POU6F2: variants seen among roughly 807,000 people sequenced by gnomAD.
The protein encoded by POU6F2 is POU class 6 homeobox 2, also known as POU domain, class 6, transcription factor 2.
POU6F2 carries 31 observed loss-of-function variants against 71.3 expected under a neutral mutation model. The ratio of observed to expected loss-of-function variants is 0.43; its 90% CI spans 0.33 to 0.59. POU6F2 has a LOEUF of 0.59. POU6F2 is among the 20% of genes least tolerant of loss of function. The probability of loss-of-function intolerance (pLI) is 0.04; values close to 1 mark genes in which losing one functional copy is unlikely to be tolerated. For synonymous variants in POU6F2, 347 were observed against 355.7 expected, an observed-to-expected ratio of 0.98 and a Z score of 0.27; for missense variants, 783 against 856.8, an observed-to-expected ratio of 0.91 and a Z score of 1.07.
chr7:39,184,424 C>T (rs979219310), intron 2 of POU6F2, among the ~76,000 whole-genome samples: 1 of 152,218 alleles, frequency 6.6e-6, no homozygotes, highest in Non-Finnish European at 1.5e-5. Context: ...AAACAAACCT[C>T]TTCCCTATTT....
At chr7:39,086,090 AC>A (rs548745632) in intron 2 of POU6F2, 59 bp downstream of exon 2, 41 of 1,417,188 alleles carry the variant, frequency 2.9e-5, no homozygotes, top group East Asian at 5.0e-5. Context: ...GAGCAATCCA[AC>A]CCCCCCAACC....
chr7:39,158,061 A>G (rs774071890), intron 2 of POU6F2, among the ~76,000 whole-genome samples: 3 of 152,202 alleles, frequency 2.0e-5, no homozygotes, highest in Middle Eastern at 3.2e-3. Flanking sequence ...CAACTTCAGC[A>G]ATTCATGTAA....
chr7:39,255,058 A>G (rs1424791457), intron 4 of POU6F2, among the ~76,000 whole-genome samples: 3 of 152,242 alleles, frequency 2.0e-5, no homozygotes, highest in Admixed American at 1.3e-4. Context: ...TATCCTTTAT[A>G]TATATCCTAG....
intron 6 of POU6F2, among the ~76,000 whole-genome samples, chr7:39,408,783 T>C (rs1787489563): frequency 6.6e-6 from 1 of 152,142 alleles, no homozygotes; most frequent in Admixed American, 6.5e-5. Context: ...AAACTTCCAG[T>C]GGATAATTGG....
chr7:39,463,697 T>A lies in POU6F2; in HGVS notation c.1659-485T>A, dbSNP rs17713107. ...AGTGACTATGATAATAGCAATAACATTTTTATAACCAAGTCAATGGGGGTA... is the reference window on the plus strand; with the variant it reads ...AGTGACTATGATAATAGCAATAACAATTTTATAACCAAGTCAATGGGGGTA... On this transcript the variant is annotated intron_variant, in intron 9 of 9. Transcript: ENST00000518318. 7.1e-3 allele frequency among the ~76,000 whole-genome samples: 1,086 copies of A among 152,234 alleles called. 21 individuals carry two copies. Among genetic ancestry groups the A allele is most frequent in the East Asian group, 0.062 (322 of 5,176 alleles).
intron 4 of POU6F2, among the ~76,000 whole-genome samples, chr7:39,314,298 G>T (rs1033052809): frequency 2.6e-5 from 4 of 151,920 alleles, no homozygotes; most frequent in Non-Finnish European, 5.9e-5. Context: ...CTGTAATTGA[G>T]CAAGCAGATC....
chr7:39,204,422 C>T (rs1010343311), intron 3 of POU6F2, 96 bp downstream of exon 3: 19 of 996,662 alleles, frequency 1.9e-5, no homozygotes, highest in Non-Finnish European at 2.6e-5. Flanking sequence ...ATCCAATTGA[C>T]TCCAACAGAG....
At chr7:39,205,642 G>A (rs1351647216) in intron 3 of POU6F2, among the ~76,000 whole-genome samples, 1 of 152,168 alleles carries the variant, frequency 6.6e-6, no homozygotes, top group African/African-American at 2.4e-5. Flanking sequence ...CATTCCCGAA[G>A]TATATTTATT....
At chr7:39,015,600 C>G (rs1488061956) in intron 1 of POU6F2, among the ~76,000 whole-genome samples, 1 of 46,268 alleles carries the variant, frequency 2.2e-5, no homozygotes, top group African/African-American at 7.0e-5. Context: ...ATAGATATAT[C>G]TATGTTTTAT....
At chr7:39,233,302 CA>C (rs59496470) in intron 4 of POU6F2, among the ~76,000 whole-genome samples, 42,051 of 135,818 alleles carry the variant, frequency 0.31, 6,110 homozygotes, top group East Asian at 0.69. Flanking sequence ...TCTGTTTTAC[CA>C]AAAAAAAAAA....
At chr7:39,321,881 TTA>T (rs983834469) in intron 4 of POU6F2, among the ~76,000 whole-genome samples, 8 of 146,350 alleles carry the variant, frequency 5.5e-5, no homozygotes, top group East Asian at 4.0e-4. Flanking sequence ...TTGTATATAT[TTA>T]TATATATATA....
At chr7:39,087,164 ATTTATTTATTT>A (rs1562700986) in intron 2 of POU6F2, among the ~76,000 whole-genome samples, 86 of 114,372 alleles carry the variant, frequency 7.5e-4, no homozygotes, top group African/African-American at 2.6e-3. Flanking sequence ...TAATTAATTT[ATTTATTTATTT>A]ATTTATTTAT....
chr7:39,097,960 C>T (rs567113286), intron 2 of POU6F2, among the ~76,000 whole-genome samples: 54 of 152,298 alleles, frequency 3.5e-4, no homozygotes, highest in African/African-American at 1.2e-3. Flanking sequence ...AAACTATTAT[C>T]TCCAAAAAGT....
intron 7 of POU6F2, among the ~76,000 whole-genome samples, chr7:39,443,104 G>T (rs1423646979): frequency 6.6e-6 from 1 of 152,178 alleles, no homozygotes; most frequent in Non-Finnish European, 1.5e-5. Context: ...CGCAGCATCT[G>T]TCAGCCCCGG....
intron 1 of POU6F2, among the ~76,000 whole-genome samples, chr7:39,080,718 C>T (rs908328538): frequency 4.6e-5 from 7 of 152,254 alleles, no homozygotes; most frequent in Non-Finnish European, 1.5e-5. Flanking sequence ...TTAGTTTGCA[C>T]GTACATAAAA....
intron 4 of POU6F2, among the ~76,000 whole-genome samples, chr7:39,245,436 T>C (rs1051287760): frequency 2.0e-5 from 3 of 152,204 alleles, no homozygotes; most frequent in Non-Finnish European, 1.5e-5. Context: ...TGGGAAAATA[T>C]TAGCTGAGCC....
intron 4 of POU6F2, among the ~76,000 whole-genome samples, chr7:39,292,848 A>T (rs1209166404): frequency 6.6e-6 from 1 of 152,120 alleles, no homozygotes; most frequent in African/African-American, 2.4e-5. Context: ...GCCTCAAAGA[A>T]GATAATTGGG....
chr7:39,425,755 CTGTTTTTCAAGCATTCT>C (rs1446033364), intron 6 of POU6F2, among the ~76,000 whole-genome samples: 16 of 152,166 alleles, frequency 1.1e-4, no homozygotes, highest in Non-Finnish European at 2.1e-4. Flanking sequence ...CATTTCTCCT[CTGTTTTTCAAGCATTCT>C]TAGTTGACAA....
chr7:39,224,152 C>A (rs747206949), intron 4 of POU6F2, among the ~76,000 whole-genome samples: 10 of 152,060 alleles, frequency 6.6e-5, no homozygotes, highest in Non-Finnish European at 1.5e-4. Context: ...AATTGGTGTA[C>A]AAAAGCCCCT....
Sources: gnomAD v4.1 joint callset for allele counts (sites outside exome capture counted in the v4.1 genomes callset) on GRCh38, gnomAD v4.1.1 for gene constraint, MANE v1.5 for transcripts, NCBI Gene and HGNC (gene_info 2026-07-23, HGNC 2026-07-21) for gene names.